Variants in KIR3DL2 observed in about 807,000 individuals in gnomAD.
KIR3DL2 encodes the protein killer cell immunoglobulin-like receptor 3DL2.
A neutral mutation model predicts 41.6 loss-of-function variants in KIR3DL2; 42 were observed. The ratio of observed to expected loss-of-function variants is 1.01; its 90% confidence interval spans 0.79 to 1.31. KIR3DL2 has a LOEUF of 1.31. Among genes scored for constraint, KIR3DL2 ranks in the 50% most tolerant of loss-of-function variants. KIR3DL2 has a pLI of 0.00. For missense variants in KIR3DL2, 728 were observed against 576.8 expected, an observed-to-expected ratio of 1.26 and a Z score of -2.68; for synonymous variants, 230 against 221.3, an observed-to-expected ratio of 1.04 and a Z score of -0.35.
At position 54,850,490 on chromosome 19, in the gene KIR3DL2, C is replaced by A; in HGVS notation, c.15C>A (p.Val5=). The A allele has an allele frequency of 6.2e-7, 1 of 1,608,718 alleles. No homozygotes were observed. MSLT[V]VSMACVGFFL... ...CCGGCAGCACCATGTCGCTCACGGT[C>A]GTCAGCATGGCGTGCGTTGGTGAGT... The change falls in exon 1 of 9, where the codon GTC becomes GTA. Residue 5 remains valine (V), a synonymous_variant. Coordinates refer to ENST00000326321, the MANE Select transcript of KIR3DL2 (RefSeq NM_006737.4).
chr19:54,866,247 T>C (rs1379868642), intron 7 of KIR3DL2, 123 bp from the exon 8 acceptor site: 2 of 936,260 alleles, frequency 2.1e-6, no homozygotes, highest in Non-Finnish European at 3.4e-6. Context: ...TGTCTGAGTC[T>C]GGATGTTGGC....
At position 54,866,802 on chromosome 19, in the gene KIR3DL2, C is replaced by G. The variant is rs2915992; in HGVS notation, c.*71C>G. On this transcript the variant is annotated 3_prime_UTR_variant, in exon 9 of 9. Coordinates refer to ENST00000326321, the MANE Select transcript of KIR3DL2 (RefSeq NM_006737.4). ...ACCAGCAGCTGGAATCTGAAGGCAT[C>G]AGTCTGCATCTTAGGGGATCGCTCT... is the stretch of plus-strand genomic sequence containing the variant. 4.7e-6 allele frequency: 7 copies of G among 1,494,428 alleles called. No individual in the cohort carries two copies. The highest frequency in any genetic ancestry group is 3.5e-5 in the Admixed American group (2 of 56,992). The allele number at this position is 1,494,428 out of a possible 1,614,324, so 92.6% of individuals were successfully genotyped here. A position where few individuals can be genotyped will look rare whatever the true frequency, so the allele number is the denominator to read the frequency against.
At chr19:54,853,360 T>A (rs1210804279) in intron 3 of KIR3DL2, among the ~76,000 whole-genome samples, 1 of 151,672 alleles carries the variant, frequency 6.6e-6, no homozygotes, top group Non-Finnish European at 1.5e-5. Context: ...GCCTTACTGA[T>A]GAGTTGATAC....
chr19:54,851,891 G>T, intron 2 of KIR3DL2, 107 bp from the exon 3 acceptor site: 1 of 1,398,546 alleles, frequency 7.2e-7, no homozygotes, highest in East Asian at 2.5e-5. Context: ...GGGCACCCAG[G>T]TGTGGTAGGA....
chr19:54,861,874 T>C (rs1257042442), intron 6 of KIR3DL2, among the ~76,000 whole-genome samples: 8 of 151,632 alleles, frequency 5.3e-5, no homozygotes, highest in Admixed American at 2.6e-4. Context: ...GGCCCTGAAA[T>C]AGGGAAAGTG....
At position 54,866,386 on chromosome 19, in the gene KIR3DL2, CCAAGAG is replaced by C; in HGVS notation, c.1124_1129del (p.Gln375_Glu376del). 1 of 1,613,990 alleles carries C rather than the reference CCAAGAG, an allele frequency of 6.2e-7. No individual in the cohort carries two copies. On this transcript the variant is annotated inframe_deletion, in exon 8 of 9. Coordinates refer to ENST00000326321, the MANE Select transcript of KIR3DL2 (RefSeq NM_006737.4). ...CTCCTACAGATGCTGCTGTAATGGA[CCAAGAG>C]CCTGCGGGGGACAGAACAGTGAATA...
intron 3 of KIR3DL2, among the ~76,000 whole-genome samples, chr19:54,853,238 G>A (rs1601740864): frequency 6.6e-6 from 1 of 151,674 alleles, no homozygotes. Flanking sequence ...GATGCTCCTG[G>A]AACCAGCACC....
rs1464501396 is a variant in KIR3DL2, at chr19:54,850,510, G to T, written c.34+1G>T. On this transcript the variant is annotated splice_donor_variant, in intron 1 of 8. Transcript: ENST00000326321. LOFTEE classifies it high-confidence loss of function. ...ACGGTCGTCAGCATGGCGTGCGTTGGTGAGTCCTGGAAGGGAATAGAGGGA... is the reference window on the plus strand; with the variant it reads ...ACGGTCGTCAGCATGGCGTGCGTTGTTGAGTCCTGGAAGGGAATAGAGGGA... 1.9e-6 allele frequency: 3 copies of T among 1,609,596 alleles called. No individual in the cohort carries two copies. Among genetic ancestry groups the T allele is most frequent in the Middle Eastern group, 1.6e-4 (1 of 6,062 alleles).
At chr19:54,856,075 A>ACCC (rs561507525) in intron 5 of KIR3DL2, among the ~76,000 whole-genome samples, 163 bp downstream of exon 5, 5,449 of 151,266 alleles carry the variant, frequency 0.036, 454 homozygotes, top group African/African-American at 0.13. Flanking sequence ...GCACCTCCAA[A>ACCC]CCCTCTTGCA....
intron 2 of KIR3DL2, among the ~76,000 whole-genome samples, chr19:54,851,600 A>C (rs1601720347): frequency 6.6e-6 from 1 of 151,508 alleles, no homozygotes; most frequent in African/African-American, 2.4e-5. Context: ...TAGGGGCTGC[A>C]GTGTGGCTGC....
chr19:54,855,778 T>A lies in KIR3DL2; in HGVS notation c.815T>A (p.Val272Asp). The A allele has an allele frequency of 6.2e-7, 1 of 1,613,176 alleles. No homozygotes were observed. Among genetic ancestry groups the A allele is most frequent in the Admixed American group, 1.7e-5 (1 of 59,970 alleles). ...CGTAGGCTCCGTGCAGTGCCCAAGG[T>A]CAACAGAACATTCCAGGCAGACTTT... ...HERRLRAVPK[V>D]NRTFQADFPL... The change falls in exon 5 of 9, where the codon GTC becomes GAC. Residue 272 changes from valine to aspartate, a missense_variant. Transcript: ENST00000326321.
chr19:54,864,093 G>A (rs1367023755), intron 6 of KIR3DL2, among the ~76,000 whole-genome samples: 2 of 152,134 alleles, frequency 1.3e-5, no homozygotes, highest in African/African-American at 2.4e-5. Flanking sequence ...AGTTTTCCCA[G>A]CACCATTTAT....
chr19:54,855,677 G>A lies in KIR3DL2; in HGVS notation c.714G>A (p.Glu238=). Reference sequence around the variant, plus strand: ...CGGGCCCCACGGTTCAGGCAGGAGAGAACGTGACCTTGTCCTGTAGCTCCT... The same window carrying A: ...CGGGCCCCACGGTTCAGGCAGGAGAAAACGTGACCTTGTCCTGTAGCTCCT... ...AQPGPTVQAG[E]NVTLSCSSWS... The change falls in exon 5 of 9, where the codon GAG becomes GAA. Residue 238 remains glutamate, a synonymous_variant. Coordinates refer to ENST00000326321, the MANE Select transcript of KIR3DL2 (RefSeq NM_006737.4). 10 of 1,613,534 alleles carry A rather than the reference G, an allele frequency of 6.2e-6. No homozygotes were observed. Among genetic ancestry groups the A allele is most frequent in the Non-Finnish European group, 8.5e-6 (10 of 1,179,980 alleles).
At chr19:54,856,772 C>T (rs1471484630) in intron 5 of KIR3DL2, among the ~76,000 whole-genome samples, 4 of 151,886 alleles carry the variant, frequency 2.6e-5, no homozygotes, top group African/African-American at 9.7e-5. Flanking sequence ...TATTCTCTAC[C>T]TTCATGAGAT....
rs140070016 is a variant in KIR3DL2 at position 54,866,396 on chromosome 19, G to C, written c.1132G>C (p.Ala378Pro). The C allele has an allele frequency of 7.6e-5, 122 of 1,614,004 alleles. No homozygotes were observed. In the African/African-American group the frequency reaches 1.5e-3, roughly 19 times the overall value. Residue 378 changes from alanine (A) to proline (P), a missense_variant, in exon 8 of 9, where the codon GCG becomes CCG. Physicochemically the swap from Ala to Pro is conservative, Grantham distance 27 (BLOSUM62 -1). Coordinates refer to ENST00000326321, the MANE Select transcript of KIR3DL2 (RefSeq NM_006737.4). The part of the protein sequence containing the change: ...KNAAVMDQEP[A>P]GDRTVNRQDS... ...TGCTGCTGTAATGGACCAAGAGCCT[G>C]CGGGGGACAGAACAGTGAATAGGCA... is the stretch of plus-strand genomic sequence containing the variant.
chr19:54,857,583 T>G (rs2064882423), intron 5 of KIR3DL2, among the ~76,000 whole-genome samples: 1 of 151,394 alleles, frequency 6.6e-6, no homozygotes, highest in South Asian at 2.1e-4. Context: ...GGAGTTTCAC[T>G]CATAGTCGCC....
intron 6 of KIR3DL2, among the ~76,000 whole-genome samples, chr19:54,862,871 A>G (rs935859388): frequency 2.5e-5 from 2 of 78,548 alleles, no homozygotes; most frequent in African/African-American, 5.3e-5. Context: ...TATTATTATT[A>G]TACTTTAAGT....
intron 5 of KIR3DL2, 107 bp from the exon 6 acceptor site, chr19:54,858,972 C>T: frequency 9.1e-7 from 1 of 1,100,758 alleles, no homozygotes; most frequent in Non-Finnish European, 1.4e-6. Flanking sequence ...CTCCCAGGGT[C>T]CAACATTAGA....
rs150305828 is a variant in KIR3DL2, at chr19:54,866,414, A to C, written c.1150A>C (p.Asn384His). 1.9e-6 allele frequency: 3 copies of C among 1,613,900 alleles called. No homozygotes were observed. The African/African-American group carries it at 4.0e-5, about 22-fold the overall frequency. The part of the protein sequence containing the change: ...DQEPAGDRTV[N>H]RQDSDEQDPQ... Reference sequence around the variant, plus strand: ...AGAGCCTGCGGGGGACAGAACAGTGAATAGGCAGGTAGGTCCTCCTCGGCC... The same window carrying C: ...AGAGCCTGCGGGGGACAGAACAGTGCATAGGCAGGTAGGTCCTCCTCGGCC... Residue 384 changes from asparagine to histidine, a missense_variant, in exon 8 of 9, where the codon AAT becomes CAT. By Grantham distance (68) the Asn-to-His change is moderately conservative (BLOSUM62 1). Coordinates refer to ENST00000326321, the MANE Select transcript of KIR3DL2 (RefSeq NM_006737.4).
Sources: gnomAD v4.1 joint callset for allele counts (sites outside exome capture counted in the v4.1 genomes callset) on GRCh38, gnomAD v4.1.1 for gene constraint, MANE v1.5 for transcripts, NCBI Gene and HGNC (gene_info 2026-07-23, HGNC 2026-07-21) for gene names.